The following MCTP2 variants were observed in gnomAD, a reference collection of about 807,000 sequenced individuals.
MCTP2 encodes multiple C2 and transmembrane domain containing 2.
Under a neutral mutation model 111.6 loss-of-function variants are expected in MCTP2, and 132 were observed. The ratio of observed to expected loss-of-function variants is 1.18; its 90% CI spans 1.03 to 1.37. MCTP2 has a LOEUF of 1.37. Ranked by LOEUF, MCTP2 falls within the 40% of genes most tolerant of loss-of-function variation. The probability of loss-of-function intolerance (pLI) is 0.00; values close to 1 mark genes in which losing one functional copy is unlikely to be tolerated. For synonymous variants in MCTP2, 395 were observed against 387.7 expected, an observed-to-expected ratio of 1.02 and a Z score of -0.22; for missense variants, 1,183 against 1,067.9, an observed-to-expected ratio of 1.11 and a Z score of -1.50.
rs1472570666 is a variant in MCTP2, at chr15:94,231,680, G to T, written c.-66+16G>T. 6.6e-6 allele frequency: 1 copy of T among 152,496 alleles called. No individual in the cohort carries two copies. Among genetic ancestry groups the T allele is most frequent in the Non-Finnish European group, 1.5e-5 (1 of 68,282 alleles). 9.4% of individuals were successfully genotyped at this position (152,496 alleles called of 1,614,324 possible). A position where few individuals can be genotyped will look rare whatever the true frequency, so the allele number is the denominator to read the frequency against. On this transcript the variant is annotated intron_variant, in intron 1 of 22. Transcript: ENST00000357742. ...CCTCGCACAGGTGAGGGCGGTGCCG[G>T]GTTCACCTGGCAGCGCGCGTGGGCC...
At chr15:94,421,062 G>T (rs1033701966) in intron 17 of MCTP2, among the ~76,000 whole-genome samples, 2 of 151,386 alleles carry the variant, frequency 1.3e-5, no homozygotes, top group Non-Finnish European at 2.9e-5. Flanking sequence ...CCAGCAAAAA[G>T]GTTATGACTC....
intron 17 of MCTP2, chr15:94,402,430 A>G: frequency 6.5e-7 from 1 of 1,538,516 alleles, no homozygotes; most frequent in Non-Finnish European, 8.8e-7. Flanking sequence ...AAAGATGTTT[A>G]TTCATTTCAA....
intron 1 of MCTP2, among the ~76,000 whole-genome samples, chr15:94,272,799 A>G (rs1183063916): frequency 1.3e-5 from 2 of 152,008 alleles, no homozygotes; most frequent in Non-Finnish European, 2.9e-5. Flanking sequence ...CTAAGAAACC[A>G]CTAAGTGTTG....
At chr15:94,248,673 C>G (rs1596174066) in intron 1 of MCTP2, among the ~76,000 whole-genome samples, 1 of 151,992 alleles carries the variant, frequency 6.6e-6, no homozygotes. Flanking sequence ...AGAGCTTCCT[C>G]TACTTTAAGT....
At chr15:94,435,878 G>A (rs1344269273) in intron 17 of MCTP2, among the ~76,000 whole-genome samples, 7 of 151,568 alleles carry the variant, frequency 4.6e-5, no homozygotes, top group African/African-American at 9.7e-5. Context: ...TGATCCGCCC[G>A]CCTCGGCCTC....
At chr15:94,466,197 GGATT>G (rs2073275890) in intron 20 of MCTP2, among the ~76,000 whole-genome samples, 1 of 151,838 alleles carries the variant, frequency 6.6e-6, no homozygotes, top group South Asian at 2.1e-4. Flanking sequence ...TTAATATATT[GGATT>G]AGATTTCAAT....
intron 20 of MCTP2, among the ~76,000 whole-genome samples, chr15:94,466,207 T>C (rs2073278681): frequency 6.6e-6 from 1 of 152,202 alleles, no homozygotes; most frequent in South Asian, 2.1e-4. Context: ...GGATTAGATT[T>C]CAATATCTGA....
At chr15:94,239,355 A>G (rs1300830843) in intron 1 of MCTP2, among the ~76,000 whole-genome samples, 1 of 152,206 alleles carries the variant, frequency 6.6e-6, no homozygotes, top group East Asian at 1.9e-4. Flanking sequence ...TTCATGAATA[A>G]TCTGGGGCTC....
chr15:94,244,125 C>CGTGT (rs1567256791), intron 1 of MCTP2, among the ~76,000 whole-genome samples: 3 of 144,486 alleles, frequency 2.1e-5, no homozygotes, highest in African/African-American at 7.7e-5. Context: ...TTTATATACA[C>CGTGT]ATGTATACAC....
intron 14 of MCTP2, among the ~76,000 whole-genome samples, chr15:94,386,871 T>C (rs924181676): frequency 2.0e-5 from 3 of 152,122 alleles, no homozygotes; most frequent in Non-Finnish European, 4.4e-5. Flanking sequence ...GTGTTTGGTC[T>C]TTCTGTACTA....
intron 2 of MCTP2, among the ~76,000 whole-genome samples, chr15:94,310,267 A>G (rs75484230): frequency 0.032 from 4,860 of 152,324 alleles, 119 homozygotes; most frequent in Non-Finnish European, 0.047. Context: ...AGATAAAACT[A>G]TATGATGAAA....
chr15:94,452,314 ATT>A (rs889936282), intron 19 of MCTP2, among the ~76,000 whole-genome samples: 1 of 152,224 alleles, frequency 6.6e-6, no homozygotes, highest in Non-Finnish European at 1.5e-5. Context: ...TGAAAAGAGC[ATT>A]TGCTATTAGG....
chr15:94,404,304 G>GTTTTT (rs796532680), intron 17 of MCTP2, among the ~76,000 whole-genome samples: 1 of 136,942 alleles, frequency 7.3e-6, no homozygotes, highest in Non-Finnish European at 1.6e-5. Flanking sequence ...ATTTTTTATT[G>GTTTTT]TTTTTTTTTT....
chr15:94,440,071 C>T, intron 17 of MCTP2, 105 bp from the exon 18 acceptor site: 1 of 1,299,798 alleles, frequency 7.7e-7, no homozygotes, highest in Admixed American at 1.9e-5. Context: ...CTGAATGTGA[C>T]TAGAAAGAGT....
intron 21 of MCTP2, among the ~76,000 whole-genome samples, chr15:94,474,963 A>G (rs1266608779): frequency 1.3e-5 from 2 of 152,048 alleles, no homozygotes; most frequent in Non-Finnish European, 2.9e-5. Flanking sequence ...CTCAGTGACT[A>G]AGAATGCAGT....
chr15:94,383,931 C>A, intron 12 of MCTP2, 91 bp from the exon 13 acceptor site: 4 of 935,378 alleles, frequency 4.3e-6, no homozygotes, highest in East Asian at 2.6e-5. Flanking sequence ...CCTCTTTCAG[C>A]AAGCACAACT....
Position 94,385,445 on chromosome 15 carries a change from G to A in MCTP2, c.1708G>A (p.Val570Ile). 6.2e-7 allele frequency: 1 copy of A among 1,613,052 alleles called. No individual in the cohort carries two copies. The highest frequency in any genetic ancestry group is 8.5e-7 in the Non-Finnish European group (1 of 1,179,298). ...FTFPIKDIHD[V>I]LEVTVFDEDG... ...CAGTCCCATTAAAGATATCCATGAT[G>A]TTTTGGAAGTGACAGTGTTTGATGA... Residue 570 changes from valine (V) to isoleucine (I), a missense_variant, in exon 14 of 23, where the codon GTT becomes ATT. Transcript: ENST00000357742.
intron 4 of MCTP2, among the ~76,000 whole-genome samples, chr15:94,337,298 G>A (rs1435777859): frequency 2.6e-5 from 4 of 151,716 alleles, no homozygotes; most frequent in African/African-American, 4.8e-5. Context: ...CCATTCACCC[G>A]TGAAACAGTT....
At chr15:94,292,492 G>C (rs2075078541) in intron 1 of MCTP2, among the ~76,000 whole-genome samples, 1 of 152,024 alleles carries the variant, frequency 6.6e-6, no homozygotes, top group African/African-American at 2.4e-5. Context: ...TACACAATTG[G>C]AAACAAAAAT....
Sources: gnomAD v4.1 joint callset for allele counts (sites outside exome capture counted in the v4.1 genomes callset) on GRCh38, gnomAD v4.1.1 for gene constraint, MANE v1.5 for transcripts, NCBI Gene and HGNC (gene_info 2026-07-23, HGNC 2026-07-21) for gene names.